CSMD2: variants seen among roughly 807,000 people sequenced by gnomAD.
CSMD2 encodes CUB and Sushi multiple domains 2, also known as CUB and sushi domain-containing protein 2.
Under a neutral mutation model 398.5 loss-of-function variants are expected in CSMD2, and 130 were observed. The observed-to-expected ratio is 0.33, with a 90% CI of 0.28 to 0.38. The LOEUF (loss-of-function observed/expected upper bound fraction) is 0.38. Ranked by LOEUF, CSMD2 falls within the 10% of genes least tolerant of loss-of-function variation. The pLI is 1.00. For missense variants in CSMD2, 3,829 were observed against 4,764.9 expected (o/e 0.80, Z 5.78); for synonymous variants, 1,828 against 1,908.5 (o/e 0.96, Z 1.10).
At chr1:33,562,576 C>A (rs2148666165) in intron 53 of CSMD2, among the ~76,000 whole-genome samples, 1 of 152,324 alleles carries the variant, frequency 6.6e-6, no homozygotes, top group Middle Eastern at 3.4e-3. Context: ...TCTCAAGCAG[C>A]ATGGCCATGT....
chr1:33,719,303 C>T (rs951684944), intron 19 of CSMD2, among the ~76,000 whole-genome samples: 1 of 152,202 alleles, frequency 6.6e-6, no homozygotes, highest in Non-Finnish European at 1.5e-5. Context: ...GAGACCCAGT[C>T]ACAGGTGGAA....
intron 5 of CSMD2, among the ~76,000 whole-genome samples, chr1:33,912,853 C>G (rs942945181): frequency 6.6e-6 from 1 of 152,138 alleles, no homozygotes; most frequent in East Asian, 1.9e-4. Flanking sequence ...TACTCTGTCT[C>G]CCGGGCTGGA....
chr1:34,072,502 G>A (rs1418186829), intron 2 of CSMD2, among the ~76,000 whole-genome samples: 7 of 152,166 alleles, frequency 4.6e-5, no homozygotes, highest in Admixed American at 3.3e-4. Flanking sequence ...GGATCTAGAG[G>A]TGGCCAAGTC....
At chr1:33,914,221 G>T (rs888179170) in intron 5 of CSMD2, among the ~76,000 whole-genome samples, 9 of 152,110 alleles carry the variant, frequency 5.9e-5, no homozygotes, top group Non-Finnish European at 1.0e-4. Flanking sequence ...ACTCCAGCAG[G>T]GTCAGTGAGA....
intron 28 of CSMD2, 128 bp downstream of exon 28, chr1:33,652,195 C>T (rs1179027256): frequency 3.1e-5 from 29 of 925,734 alleles, no homozygotes; most frequent in Non-Finnish European, 4.9e-5. Context: ...CTCTCTCTCT[C>T]GGCTTCTTCA....
rs1653611888 is a variant in CSMD2 at position 33,514,646 on chromosome 1, A to G, written c.*1978T>C. The G allele has an allele frequency of 6.6e-6, 1 of 151,886 alleles. No individual in the cohort carries two copies. Among genetic ancestry groups the G allele is most frequent in the Non-Finnish European group, 1.5e-5 (1 of 68,034 alleles). 9.4% of individuals were successfully genotyped at this position (151,886 alleles called of 1,614,324 possible). ...TAAGAAGGGGGAAGGGAGCAGTCGA[A>G]GGAGAGGAGTGTAAGGGGGAAGGGA... is the stretch of plus-strand genomic sequence containing the variant. On this transcript the variant is annotated 3_prime_UTR_variant, in exon 71 of 71. Coordinates refer to ENST00000373381, the MANE Select transcript of CSMD2 (RefSeq NM_001281956.2).
intron 16 of CSMD2, among the ~76,000 whole-genome samples, chr1:33,726,052 G>C (rs1646518693): frequency 6.6e-6 from 1 of 152,208 alleles, no homozygotes; most frequent in Admixed American, 6.5e-5. Flanking sequence ...TTCCAGGCCA[G>C]GAACACTTTG....
intron 25 of CSMD2, among the ~76,000 whole-genome samples, chr1:33,688,971 G>A (rs550215116): frequency 1.3e-5 from 2 of 152,096 alleles, no homozygotes. Context: ...TTTGCTGCTG[G>A]TTATTCAAGA....
rs1384813708 is a variant in CSMD2 at position 33,519,670 on chromosome 1, G to A, written c.10744C>T (p.Pro3582Ser). 1 of 1,614,032 alleles carries A rather than the reference G, an allele frequency of 6.2e-7. No individual in the cohort carries two copies. The highest frequency in any genetic ancestry group is 8.5e-7 in the Non-Finnish European group (1 of 1,180,000). ...GCATAGCCATTGAAAGGAACTTTGG[G>A]TCTTCTCCTGGCGATAAAAGAGGAA... ...VLYLYKHRRR[P>S]KVPFNGYAGH... The change falls in exon 70 of 71, where the codon CCC (proline) becomes TCC (serine). Residue 3582 changes from proline to serine, a missense_variant. Pro to Ser is a moderately conservative substitution (Grantham distance 74). Coordinates refer to ENST00000373381, the MANE Select transcript of CSMD2 (RefSeq NM_001281956.2). The surrounding 1 kb of genome is among the most constrained non-coding windows in gnomAD (Gnocchi z 5.6).
chr1:33,956,438 C>T (rs1645171568), intron 3 of CSMD2, among the ~76,000 whole-genome samples: 2 of 152,168 alleles, frequency 1.3e-5, no homozygotes, highest in Non-Finnish European at 2.9e-5. Context: ...TTGTGACTGG[C>T]ATCCTTCACT....
chr1:33,997,401 C>T (rs543929751), intron 3 of CSMD2, among the ~76,000 whole-genome samples: 1 of 152,354 alleles, frequency 6.6e-6, no homozygotes, highest in Non-Finnish European at 1.5e-5. Flanking sequence ...CCTCTTTCTG[C>T]ATCTGGTCTG....
intron 6 of CSMD2, among the ~76,000 whole-genome samples, chr1:33,828,712 C>A (rs910064678): frequency 6.6e-6 from 1 of 152,170 alleles, no homozygotes; most frequent in Non-Finnish European, 1.5e-5. Context: ...GAGGAAAAGT[C>A]TCCTGCTCCT....
At chr1:33,890,446 G>A (rs1448904089) in intron 5 of CSMD2, among the ~76,000 whole-genome samples, 1 of 152,072 alleles carries the variant, frequency 6.6e-6, no homozygotes, top group African/African-American at 2.4e-5. Context: ...TAGCCAGGAT[G>A]GTCTCGATCT....
chr1:34,082,460 G>T (rs1326217915), intron 2 of CSMD2, among the ~76,000 whole-genome samples: 4 of 151,712 alleles, frequency 2.6e-5, no homozygotes, highest in Non-Finnish European at 5.9e-5. Flanking sequence ...GAGGTGAGGG[G>T]CGCCCACGCC....
intron 3 of CSMD2, among the ~76,000 whole-genome samples, chr1:34,028,360 C>T (rs1013715110): frequency 4.6e-5 from 7 of 152,092 alleles, no homozygotes; most frequent in African/African-American, 1.7e-4. Context: ...TTGGGGTATA[C>T]TTACACTAAA....
At chr1:33,563,329 G>C (rs947790121) in intron 53 of CSMD2, among the ~76,000 whole-genome samples, 4 of 152,076 alleles carry the variant, frequency 2.6e-5, no homozygotes, top group Admixed American at 6.5e-5. Flanking sequence ...AGGCAGGAGG[G>C]AAGGAGATCC....
chr1:33,551,015 T>A (rs1251346485), intron 55 of CSMD2, among the ~76,000 whole-genome samples: 1 of 152,188 alleles, frequency 6.6e-6, no homozygotes, highest in African/African-American at 2.4e-5. Context: ...AACACACATT[T>A]ATTGAGTCCC....
intron 4 of CSMD2, among the ~76,000 whole-genome samples, chr1:33,919,452 T>C (rs2125286450): frequency 6.6e-6 from 1 of 152,340 alleles, no homozygotes; most frequent in African/African-American, 2.4e-5. Flanking sequence ...CTATTCTTAC[T>C]AATGTTCTTT....
chr1:33,895,573 G>T lies in CSMD2; in HGVS notation c.920+22521C>A, dbSNP rs1642327794. 1.3e-5 allele frequency among the ~76,000 whole-genome samples: 2 copies of T among 152,182 alleles called. 1 individual carries two copies. Among genetic ancestry groups the T allele is most frequent in the Admixed American group, 1.3e-4 (2 of 15,282 alleles). ...GCAGCAGGGCCACCCCACGGGTGGTGGCTGGGGAAGCGCGGCTTGAGGCAT... is the reference window on the plus strand; with the variant it reads ...GCAGCAGGGCCACCCCACGGGTGGTTGCTGGGGAAGCGCGGCTTGAGGCAT... On this transcript the variant is annotated intron_variant, in intron 5 of 70. Coordinates refer to ENST00000373381, the MANE Select transcript of CSMD2 (RefSeq NM_001281956.2).
Sources: gnomAD v4.1 joint callset for allele counts (sites outside exome capture counted in the v4.1 genomes callset) on GRCh38, gnomAD v4.1.1 for gene constraint, Gnocchi (gnomAD v3.1) non-coding constraint, MANE v1.5 for transcripts, NCBI Gene and HGNC (gene_info 2026-07-23, HGNC 2026-07-21) for gene names.